Variants in SGCZ observed in about 807,000 individuals in gnomAD.
SGCZ encodes the protein zeta-sarcoglycan.
SGCZ carries 40 observed loss-of-function variants against 41.3 expected under a neutral mutation model. The observed-to-expected ratio is 0.97, with a 90% CI of 0.75 to 1.26. The LOEUF is 1.26. Ranked by LOEUF, SGCZ falls within the 50% of genes most tolerant of loss-of-function variation. The pLI, the probability that SGCZ is intolerant of heterozygous loss-of-function variation, is 0.00. For synonymous variants in SGCZ, 206 were observed against 137.5 expected (o/e 1.50, Z -3.49); for missense variants, 552 against 369.8 (o/e 1.49, Z -4.04).
intron 2 of SGCZ, among the ~76,000 whole-genome samples, chr8:14,343,125 C>G (rs1802768265): frequency 6.6e-6 from 1 of 152,216 alleles, no homozygotes; most frequent in Non-Finnish European, 1.5e-5. Flanking sequence ...GTTTGGACAC[C>G]TCTGCCTAAA....
chr8:14,428,367 C>A (rs1013678892), intron 2 of SGCZ, among the ~76,000 whole-genome samples: 96 of 152,118 alleles, frequency 6.3e-4, no homozygotes, highest in African/African-American at 2.2e-3. Context: ...AGACGGGATG[C>A]AAGGAGTTTG....
At chr8:14,936,647 G>C (rs1309145412) in intron 1 of SGCZ, among the ~76,000 whole-genome samples, 2 of 151,574 alleles carry the variant, frequency 1.3e-5, no homozygotes, top group East Asian at 3.9e-4. Flanking sequence ...TTATTTTTTG[G>C]TTCATAAGGA....
rs568021907 is a variant in SGCZ, at chr8:14,388,944, G to A, written c.235-64740C>T. ...CAAATAAAATACTTTAAAATTATCT[G>A]AATAACATTGTACAATAAATATCTT... On this transcript the variant is annotated intron_variant, in intron 2 of 7. Transcript: ENST00000382080. Among the ~76,000 whole-genome samples the A allele has an allele frequency of 2.0e-5, 3 of 151,854 alleles. No individual in the cohort carries two copies. In the East Asian group the frequency reaches 5.8e-4, roughly 29 times the overall value.
chr8:14,196,508 T>C (rs1467838125), intron 4 of SGCZ, among the ~76,000 whole-genome samples: 1 of 152,188 alleles, frequency 6.6e-6, no homozygotes, highest in African/African-American at 2.4e-5. Flanking sequence ...ACAAATTGAC[T>C]ACATGAAACA....
intron 1 of SGCZ, among the ~76,000 whole-genome samples, chr8:14,931,926 T>A (rs1799932255): frequency 6.6e-6 from 1 of 152,004 alleles, no homozygotes; most frequent in African/African-American, 2.4e-5. Context: ...ACCAATAAGA[T>A]GTTTTCTTAG....
chr8:15,082,391 TATATACACAC>T (rs1391656655), intron 1 of SGCZ, among the ~76,000 whole-genome samples: 1 of 151,480 alleles, frequency 6.6e-6, no homozygotes, highest in Non-Finnish European at 1.5e-5. Context: ...TACATATATA[TATATACACAC>T]ATATACACAC....
chr8:14,886,430 G>C (rs960702809), intron 1 of SGCZ, among the ~76,000 whole-genome samples: 2 of 152,098 alleles, frequency 1.3e-5, no homozygotes. Context: ...GGGAATAAAA[G>C]GGTCAGAGGG....
At chr8:14,795,355 T>C (rs942976339) in intron 1 of SGCZ, among the ~76,000 whole-genome samples, 4 of 152,222 alleles carry the variant, frequency 2.6e-5, no homozygotes, top group African/African-American at 7.2e-5. Context: ...AATTCACTTA[T>C]AATGTATGAC....
At chr8:14,878,637 A>C (rs1166867551) in intron 1 of SGCZ, among the ~76,000 whole-genome samples, 2 of 152,194 alleles carry the variant, frequency 1.3e-5, no homozygotes, top group African/African-American at 4.8e-5. Context: ...ATATGGAATG[A>C]CTTTCAGAAA....
chr8:14,567,611 A>C (rs964359262), intron 1 of SGCZ, among the ~76,000 whole-genome samples: 1 of 152,200 alleles, frequency 6.6e-6, no homozygotes, highest in Non-Finnish European at 1.5e-5. Context: ...CTAAGCCAGC[A>C]GTGGCAACCA....
intron 1 of SGCZ, among the ~76,000 whole-genome samples, chr8:14,769,793 TAAAAA>T (rs565416806): frequency 7.7e-5 from 4 of 52,202 alleles, no homozygotes; most frequent in African/African-American, 3.7e-4. Flanking sequence ...AAAACACCAT[TAAAAA>T]AAAAAAAAAA....
intron 1 of SGCZ, among the ~76,000 whole-genome samples, chr8:14,589,185 T>C (rs1585104477): frequency 6.6e-6 from 1 of 151,452 alleles, no homozygotes; most frequent in East Asian, 1.9e-4. Flanking sequence ...AAAATAAATA[T>C]AATAAAAAAA....
chr8:14,161,413 C>G (rs559123343), intron 5 of SGCZ: 1 of 152,248 alleles, frequency 6.6e-6, no homozygotes, highest in South Asian at 2.1e-4. Flanking sequence ...GTTTGTGACT[C>G]TAGGGTGTGT....
chr8:14,788,408 C>A (rs1400434318), intron 1 of SGCZ, among the ~76,000 whole-genome samples: 7 of 152,154 alleles, frequency 4.6e-5, no homozygotes. Flanking sequence ...CTATTACCCT[C>A]AGAAATGTCT....
At chr8:14,535,075 C>T (rs1039393853) in intron 2 of SGCZ, among the ~76,000 whole-genome samples, 2 of 151,884 alleles carry the variant, frequency 1.3e-5, no homozygotes, top group Non-Finnish European at 2.9e-5. Flanking sequence ...GCCTGCTTTT[C>T]TGCATCTGTT....
At chr8:14,862,510 T>A (rs1803785706) in intron 1 of SGCZ, among the ~76,000 whole-genome samples, 1 of 143,160 alleles carries the variant, frequency 7.0e-6, no homozygotes, top group Non-Finnish European at 1.5e-5. Context: ...AGTCGCCTTT[T>A]ATGAAACAAA....
At chr8:14,348,212 C>G (rs1563272003) in intron 2 of SGCZ, among the ~76,000 whole-genome samples, 1 of 152,094 alleles carries the variant, frequency 6.6e-6, no homozygotes. Context: ...TTATCCTGCA[C>G]CACTCCTGCA....
intron 1 of SGCZ, among the ~76,000 whole-genome samples, chr8:14,672,555 C>T (rs1417406974): frequency 6.6e-6 from 1 of 152,058 alleles, no homozygotes; most frequent in East Asian, 1.9e-4. Context: ...ATCATGTAGC[C>T]ACCTACAGTA....
chr8:15,172,034 T>G, intron 1 of SGCZ, among the ~76,000 whole-genome samples: 1 of 152,006 alleles, frequency 6.6e-6, no homozygotes, highest in Non-Finnish European at 1.5e-5. Flanking sequence ...AAACAGAGAT[T>G]TCTATGTGAA....
Sources: gnomAD v4.1 joint callset for allele counts (sites outside exome capture counted in the v4.1 genomes callset) on GRCh38, gnomAD v4.1.1 for gene constraint, MANE v1.5 for transcripts, NCBI Gene and HGNC (gene_info 2026-07-23, HGNC 2026-07-21) for gene names.